The following TULP3 variants were observed in gnomAD, a reference collection of about 807,000 sequenced individuals.
The protein encoded by TULP3 is TUB like protein 3.
Under a neutral mutation model 50.7 loss-of-function variants are expected in TULP3, and 38 were observed. The ratio of observed to expected loss-of-function variants is 0.75; its 90% CI spans 0.58 to 0.98. TULP3 has a LOEUF of 0.98. TULP3 is among the 50% of genes least tolerant of loss of function. The pLI is 0.00. For synonymous variants in TULP3, 183 were observed against 196.6 expected (o/e 0.93, Z 0.58); for missense variants, 550 against 568.0 (o/e 0.97, Z 0.32).
At chr12:2,926,799 C>T (rs375388199) in intron 4 of TULP3, among the ~76,000 whole-genome samples, 5 of 152,148 alleles carry the variant, frequency 3.3e-5, no homozygotes, top group Admixed American at 6.5e-5. Context: ...TCCAGCTACT[C>T]GGGAGGCTGA....
At chr12:2,900,115 G>A (rs1457956039) in intron 1 of TULP3, among the ~76,000 whole-genome samples, 1 of 151,566 alleles carries the variant, frequency 6.6e-6, no homozygotes, top group Non-Finnish European at 1.5e-5. Context: ...CCCAGCTACA[G>A]GGGAGGCTGA....
At chr12:2,930,938 G>A (rs773902915) in intron 5 of TULP3, 99 bp from the exon 6 acceptor site, 31 of 1,288,500 alleles carry the variant, frequency 2.4e-5, no homozygotes, top group Admixed American at 2.0e-4. Context: ...CTGAAGACAC[G>A]GGTAAATTAC....
At chr12:2,911,559 G>A (rs564025877) in intron 2 of TULP3, among the ~76,000 whole-genome samples, 191 of 149,992 alleles carry the variant, frequency 1.3e-3, no homozygotes, top group Non-Finnish European at 2.3e-3. Context: ...TAGAGATGGG[G>A]TTTCACTGTG....
At chr12:2,893,667 A>G (rs1229486002) in intron 1 of TULP3, among the ~76,000 whole-genome samples, 1 of 148,214 alleles carries the variant, frequency 6.7e-6, no homozygotes, top group Non-Finnish European at 1.5e-5. Context: ...AATTTTCTGT[A>G]TTACTGCCTT....
chr12:2,939,306 T>C lies in TULP3; in HGVS notation c.1196-5T>C. 1 of 1,613,144 alleles carries C rather than the reference T, an allele frequency of 6.2e-7. No individual in the cohort carries two copies. Among genetic ancestry groups the C allele is most frequent in the Non-Finnish European group, 8.5e-7 (1 of 1,179,756 alleles). ...TCTAACATGTTGATTTCTTTCTGTT[T>C]CTAGCTGATTATATAGTCATGCAGT... is the stretch of plus-strand genomic sequence containing the variant. On this transcript the variant is annotated splice_region_variant and splice_polypyrimidine_tract_variant and intron_variant, in intron 10 of 10. Coordinates refer to ENST00000448120, the MANE Select transcript of TULP3 (RefSeq NM_003324.5). This position sits in a 1 kb window ranked among gnomAD's most constrained non-coding sequence, Gnocchi z 4.0.
chr12:2,940,436 C>T lies in TULP3; in HGVS notation c.*992C>T. ...GACTTTCTTCTCGGCTCCCTCAACCCTGGCTCAGGCACAGAAGGTGTTTTG... is the reference window on the plus strand; with the variant it reads ...GACTTTCTTCTCGGCTCCCTCAACCTTGGCTCAGGCACAGAAGGTGTTTTG... On this transcript the variant is annotated 3_prime_UTR_variant, in exon 11 of 11. Transcript: ENST00000448120. 1 of 1,475,398 alleles carries T rather than the reference C, an allele frequency of 6.8e-7. No individual in the cohort carries two copies. The highest frequency in any genetic ancestry group is 9.0e-7 in the Non-Finnish European group (1 of 1,112,446). The allele number at this position is 1,475,398 out of a possible 1,614,324, so 91.4% of individuals were successfully genotyped here.
chr12:2,937,231 T>TTTTTTC (rs1555115468), intron 8 of TULP3, among the ~76,000 whole-genome samples: 5 of 130,312 alleles, frequency 3.8e-5, no homozygotes. Context: ...TTTTTTTTTT[T>TTTTTTC]CTGAGGCAGA....
rs60356460 is a variant in TULP3, at chr12:2,907,475, C to CAAAAAAAAAAAAAAAA, written c.42-2039_42-2038insAAAAAAAAAAAAAAAA. On this transcript the variant is annotated intron_variant, in intron 1 of 10. Coordinates refer to ENST00000448120, the MANE Select transcript of TULP3 (RefSeq NM_003324.5). ...GGGCGACAGAGTGAGACTCCGTCTC[C>CAAAAAAAAAAAAAAAA]AAAAAAAAAAAAAAATACAAAAATT... is the stretch of plus-strand genomic sequence containing the variant. 2.1e-5 allele frequency among the ~76,000 whole-genome samples: 2 copies of CAAAAAAAAAAAAAAAA among 95,826 alleles called. 1 individual carries two copies. Among genetic ancestry groups the CAAAAAAAAAAAAAAAA allele is most frequent in the Non-Finnish European group, 4.0e-5 (2 of 50,138 alleles). 62.9% of individuals were successfully genotyped at this position (95,826 alleles called of 152,430 possible). A position where few individuals can be genotyped will look rare whatever the true frequency, so the allele number is the denominator to read the frequency against.
At chr12:2,927,537 T>C (rs1269776208) in intron 4 of TULP3, among the ~76,000 whole-genome samples, 1 of 151,964 alleles carries the variant, frequency 6.6e-6, no homozygotes, top group Non-Finnish European at 1.5e-5. Context: ...GCATTTTTAG[T>C]AGAGATAGGG....
intron 4 of TULP3, among the ~76,000 whole-genome samples, chr12:2,929,694 G>T (rs2098196786): frequency 6.6e-6 from 1 of 151,872 alleles, no homozygotes; most frequent in Non-Finnish European, 1.5e-5. Context: ...AGGTTCAAGC[G>T]ATTCTCCTGC....
chr12:2,917,272 G>A (rs2098189158), intron 2 of TULP3, among the ~76,000 whole-genome samples: 1 of 152,136 alleles, frequency 6.6e-6, no homozygotes, highest in Non-Finnish European at 1.5e-5. Flanking sequence ...AGGAGTTTGA[G>A]ACCAGCCTGG....
chr12:2,939,816 C>T lies in TULP3; in HGVS notation c.*372C>T, dbSNP rs1016232064. 7 of 1,182,382 alleles carry T rather than the reference C, an allele frequency of 5.9e-6. No individual in the cohort carries two copies. In the African/African-American group the frequency reaches 8.2e-5, roughly 14 times the overall value. 73.2% of individuals were successfully genotyped at this position (1,182,382 alleles called of 1,614,324 possible). A position where few individuals can be genotyped will look rare whatever the true frequency, so the allele number is the denominator to read the frequency against. ...CCTGAATATATAAAACACACACACA[C>T]CCCGCGCACTCTCACTCCTTTTCCA... is the stretch of plus-strand genomic sequence containing the variant. On this transcript the variant is annotated 3_prime_UTR_variant, in exon 11 of 11. Coordinates refer to ENST00000448120, the MANE Select transcript of TULP3 (RefSeq NM_003324.5). This position sits in a 1 kb window ranked among gnomAD's most constrained non-coding sequence, Gnocchi z 4.0.
At chr12:2,894,944 C>T (rs932301571) in intron 1 of TULP3, among the ~76,000 whole-genome samples, 1 of 152,070 alleles carries the variant, frequency 6.6e-6, no homozygotes, top group Admixed American at 6.6e-5. Context: ...AAATAAATAA[C>T]ATTCCCGAAG....
Position 2,910,183 on chromosome 12 carries a change from C to T in TULP3, c.93+603C>T, listed in dbSNP as rs186199318. On this transcript the variant is annotated intron_variant, in intron 2 of 10. Transcript: ENST00000448120. ...TGGCGGGCACCTCTAGTCCCAGCTA[C>T]TCAGGAGGCTGAGGCAGGAGAATGG... Among the ~76,000 whole-genome samples, 361 of 152,206 alleles carry T rather than the reference C, an allele frequency of 2.4e-3. 2 individuals carry two copies. The highest frequency in any genetic ancestry group is 8.4e-3 in the African/African-American group (347 of 41,528).
At chr12:2,900,602 C>T (rs1603503934) in intron 1 of TULP3, among the ~76,000 whole-genome samples, 1 of 149,720 alleles carries the variant, frequency 6.7e-6, no homozygotes, top group Non-Finnish European at 1.5e-5. Flanking sequence ...TTGAATAATA[C>T]TTTTTTTTTT....
intron 6 of TULP3, among the ~76,000 whole-genome samples, chr12:2,931,612 T>C (rs1591537068): frequency 6.6e-6 from 1 of 152,190 alleles, no homozygotes; most frequent in African/African-American, 2.4e-5. Context: ...TTTTAGGGAA[T>C]AGGAGGAATT....
intron 1 of TULP3, among the ~76,000 whole-genome samples, chr12:2,900,112 A>G (rs1353473588): frequency 6.6e-6 from 1 of 151,994 alleles, no homozygotes; most frequent in African/African-American, 2.4e-5. Flanking sequence ...GTTCCCAGCT[A>G]CAGGGGAGGC....
At chr12:2,911,563 C>T (rs911922238) in intron 2 of TULP3, among the ~76,000 whole-genome samples, 3 of 148,712 alleles carry the variant, frequency 2.0e-5, no homozygotes, top group Non-Finnish European at 3.0e-5. Flanking sequence ...GATGGGGTTT[C>T]ACTGTGTTAG....
intron 1 of TULP3, among the ~76,000 whole-genome samples, chr12:2,901,762 T>G (rs2098179439): frequency 6.6e-6 from 1 of 152,194 alleles, no homozygotes; most frequent in African/African-American, 2.4e-5. Context: ...TGGATATATG[T>G]TTCACAAATA....
Sources: allele counts gnomAD v4.1 joint callset (sites outside exome capture counted in the v4.1 genomes callset), GRCh38; gene constraint gnomAD v4.1.1; non-coding constraint Gnocchi (gnomAD v3.1); transcripts MANE v1.5; gene names NCBI Gene and HGNC (gene_info 2026-07-23, HGNC 2026-07-21).